RALGPS1: variants seen among roughly 807,000 people sequenced by gnomAD.
RALGPS1 encodes Ral GEF with PH domain and SH3 binding motif 1, also known as ras-specific guanine nucleotide-releasing factor RalGPS1.
A neutral mutation model predicts 78.8 loss-of-function variants in RALGPS1; 19 were observed. The ratio of observed to expected loss-of-function variants is 0.24; its 90% CI spans 0.17 to 0.35. RALGPS1 has a LOEUF of 0.35. RALGPS1 is among the 10% of genes least tolerant of loss of function. The pLI, the probability that RALGPS1 is intolerant of heterozygous loss-of-function variation, is 1.00. For missense variants in RALGPS1, 454 were observed against 688.3 expected, an observed-to-expected ratio of 0.66 and a Z score of 3.81; for synonymous variants, 228 against 256.3, an observed-to-expected ratio of 0.89 and a Z score of 1.06.
chr9:126,984,439 TC>T (rs2041611213), intron 4 of RALGPS1, among the ~76,000 whole-genome samples: 1 of 152,216 alleles, frequency 6.6e-6, no homozygotes, highest in African/African-American at 2.4e-5. Flanking sequence ...TTTTTCCTCA[TC>T]AGCTAGGGCT....
intron 13 of RALGPS1, among the ~76,000 whole-genome samples, chr9:127,198,710 G>C (rs2061465541): frequency 6.6e-6 from 1 of 152,162 alleles, no homozygotes; most frequent in Non-Finnish European, 1.5e-5. Flanking sequence ...GGCAGTGGTG[G>C]AGCCAGGTCA....
chr9:127,133,413 G>T (rs1255813498), intron 8 of RALGPS1, among the ~76,000 whole-genome samples: 2 of 152,248 alleles, frequency 1.3e-5, no homozygotes, highest in Non-Finnish European at 2.9e-5. Context: ...GACTCAGCTG[G>T]TTTTGTTTAC....
intron 8 of RALGPS1, among the ~76,000 whole-genome samples, chr9:127,119,496 A>G (rs983614059): frequency 1.3e-5 from 2 of 152,246 alleles, no homozygotes; most frequent in African/African-American, 2.4e-5. Context: ...CCAGTCCCAC[A>G]TAATCACATA....
chr9:127,206,645 A>G (rs1250932768), intron 14 of RALGPS1, among the ~76,000 whole-genome samples: 1 of 152,042 alleles, frequency 6.6e-6, no homozygotes, highest in Non-Finnish European at 1.5e-5. Flanking sequence ...CAGCCAAACC[A>G]TATCAGGGAG....
intron 8 of RALGPS1, among the ~76,000 whole-genome samples, chr9:127,165,802 A>G (rs1318090798): frequency 2.0e-5 from 3 of 152,242 alleles, no homozygotes; most frequent in East Asian, 1.9e-4. Flanking sequence ...GGTTACAGGT[A>G]AAAGCCTTAT....
At chr9:127,070,692 A>G (rs1173961875) in intron 8 of RALGPS1, among the ~76,000 whole-genome samples, 2 of 152,122 alleles carry the variant, frequency 1.3e-5, no homozygotes, top group Non-Finnish European at 2.9e-5. Flanking sequence ...TTTATGAAAA[A>G]ATCTTTTGAT....
chr9:127,143,672 G>C (rs982360028), intron 8 of RALGPS1, among the ~76,000 whole-genome samples: 1 of 152,182 alleles, frequency 6.6e-6, no homozygotes, highest in Non-Finnish European at 1.5e-5. Context: ...GGTCAAGGTG[G>C]TCCCAGTAAT....
chr9:127,164,079 A>G (rs889230781), intron 8 of RALGPS1, among the ~76,000 whole-genome samples: 3 of 151,528 alleles, frequency 2.0e-5, no homozygotes, highest in Non-Finnish European at 4.4e-5. Flanking sequence ...TTTTTTCTGT[A>G]TTTATTGTTA....
chr9:127,050,667 T>G (rs1217616709), intron 6 of RALGPS1, among the ~76,000 whole-genome samples: 1 of 152,096 alleles, frequency 6.6e-6, no homozygotes, highest in Non-Finnish European at 1.5e-5. Flanking sequence ...CTGTCCTTGT[T>G]GGGAATCACC....
chr9:127,055,735 C>T (rs998088457), intron 7 of RALGPS1, among the ~76,000 whole-genome samples: 2 of 152,248 alleles, frequency 1.3e-5, no homozygotes, highest in Non-Finnish European at 2.9e-5. Context: ...ACAAAAAAGA[C>T]AATTCCAGCT....
At chr9:127,130,856 G>A (rs746164804) in intron 8 of RALGPS1, among the ~76,000 whole-genome samples, 3 of 152,146 alleles carry the variant, frequency 2.0e-5, no homozygotes, top group Non-Finnish European at 4.4e-5. Flanking sequence ...CAACCTCTTC[G>A]TTATCTGCCT....
chr9:126,968,018 T>C (rs1289395946), intron 3 of RALGPS1, among the ~76,000 whole-genome samples: 1 of 151,348 alleles, frequency 6.6e-6, no homozygotes, highest in East Asian at 1.9e-4. Flanking sequence ...TTTTTTTTTT[T>C]TTTGAGACGG....
At chr9:127,100,609 G>A (rs1282443316) in intron 8 of RALGPS1, among the ~76,000 whole-genome samples, 1 of 152,188 alleles carries the variant, frequency 6.6e-6, no homozygotes, top group East Asian at 1.9e-4. Context: ...TCCTGGGTGA[G>A]GGAGGTCTCT....
chr9:127,122,506 G>T lies in RALGPS1; in HGVS notation c.611-43563G>T, dbSNP rs867955716. 2.4e-4 allele frequency: 37 copies of T among 152,942 alleles called. No individual in the cohort carries two copies. The highest frequency in any genetic ancestry group is 3.3e-3 in the Middle Eastern group (1 of 302). The allele number at this position is 152,942 out of a possible 1,614,324, so 9.5% of individuals were successfully genotyped here. ...CCGGCAGAGGCTGGGGCCAGGGCTG[G>T]CCAGGGGTCCTGCGGGGCTGCTCAC... On this transcript the variant is annotated intron_variant, in intron 8 of 18. Coordinates refer to ENST00000259351, the MANE Select transcript of RALGPS1 (RefSeq NM_014636.3). The surrounding 1 kb of genome is among the most constrained non-coding windows in gnomAD (Gnocchi z 6.4).
At chr9:127,028,156 C>A (rs1054001640) in intron 4 of RALGPS1, among the ~76,000 whole-genome samples, 2 of 152,354 alleles carry the variant, frequency 1.3e-5, no homozygotes, top group South Asian at 4.1e-4. Context: ...AGCCCGATTC[C>A]TGGGCTGGCC....
At chr9:127,018,513 A>G (rs556878968) in intron 4 of RALGPS1, among the ~76,000 whole-genome samples, 61 of 152,006 alleles carry the variant, frequency 4.0e-4, no homozygotes, top group African/African-American at 1.4e-3. Context: ...GCGTACCTGG[A>G]GTCCCAGCTA....
At chr9:126,949,189 CA>C (rs1458416772) in intron 1 of RALGPS1, among the ~76,000 whole-genome samples, 1 of 152,204 alleles carries the variant, frequency 6.6e-6, no homozygotes, top group Non-Finnish European at 1.5e-5. Context: ...ATATGTGCCA[CA>C]TTTTCTTAAT....
chr9:127,097,390 G>C (rs1277785145), intron 8 of RALGPS1, among the ~76,000 whole-genome samples: 1 of 152,238 alleles, frequency 6.6e-6, no homozygotes, highest in East Asian at 1.9e-4. Context: ...ATATGTGTCT[G>C]TACACGGAAT....
At chr9:126,973,858 G>A (rs556985277) in intron 3 of RALGPS1, among the ~76,000 whole-genome samples, 134 of 152,102 alleles carry the variant, frequency 8.8e-4, no homozygotes, top group African/African-American at 3.1e-3. Flanking sequence ...ATTTGTCTTT[G>A]TGACTTTTCT....
Sources: gnomAD v4.1 joint callset for allele counts (sites outside exome capture counted in the v4.1 genomes callset) on GRCh38, gnomAD v4.1.1 for gene constraint, Gnocchi (gnomAD v3.1) non-coding constraint, MANE v1.5 for transcripts, NCBI Gene and HGNC (gene_info 2026-07-23, HGNC 2026-07-21) for gene names.